CFAP157: variants seen among roughly 807,000 people sequenced by gnomAD.
The protein encoded by CFAP157 is cilia and flagella associated protein 157.
In CFAP157, 43 loss-of-function variants were observed where a neutral mutation model predicts 57.8. That is an observed-to-expected ratio of 0.74 (90% CI 0.58 to 0.96). The LOEUF is 0.96. Ranked by LOEUF, CFAP157 falls within the 40% of genes least tolerant of loss-of-function variation. The probability of loss-of-function intolerance (pLI) is 0.00; values close to 1 mark genes in which losing one functional copy is unlikely to be tolerated. For missense variants in CFAP157, 606 were observed against 655.3 expected (o/e 0.92, Z 0.82); for synonymous variants, 267 against 269.0 (o/e 0.99, Z 0.07).
Position 127,710,543 on chromosome 9 carries a change from G to A in CFAP157, c.434-58G>A, listed in dbSNP as rs1012621613. 5.8e-6 allele frequency: 9 copies of A among 1,546,860 alleles called. No homozygotes were observed. In the East Asian group the frequency reaches 7.3e-5, roughly 13 times the overall value. Reference sequence around the variant, plus strand: ...CCTAAGGGGCATCTTTAAGGTCCTCGCCAGGCCCTGTCCTCTGAGGCAGCC... The same window carrying A: ...CCTAAGGGGCATCTTTAAGGTCCTCACCAGGCCCTGTCCTCTGAGGCAGCC... On this transcript the variant is annotated intron_variant, in intron 2 of 8. Coordinates refer to ENST00000373295, the MANE Select transcript of CFAP157 (RefSeq NM_001012502.3).
chr9:127,711,248 C>T lies in CFAP157; in HGVS notation c.607C>T (p.Gln203Ter), dbSNP rs1264897241. Residue 203 changes from glutamine (Q) to a stop codon, truncating the protein, a stop_gained, in exon 4 of 9, where the codon CAG becomes TAG. Coordinates refer to ENST00000373295, the MANE Select transcript of CFAP157 (RefSeq NM_001012502.3). LOFTEE classifies it high-confidence loss of function. ...DKDRLRKEII[Q>*]RVNLVANEFH... Reference sequence around the variant, plus strand: ...GGCCAGACTGAGGAAAGAGATCATCCAGCGCGTGAACCTCGTGGCCAATGA... The same window carrying T: ...GGCCAGACTGAGGAAAGAGATCATCTAGCGCGTGAACCTCGTGGCCAATGA... The T allele has an allele frequency of 6.2e-7, 1 of 1,614,040 alleles. No individual in the cohort carries two copies. Among genetic ancestry groups the T allele is most frequent in the South Asian group, 1.1e-5 (1 of 91,078 alleles).
Position 127,709,741 on chromosome 9 carries a change from T to TATCA in CFAP157, c.433+49_433+52dup. 1 of 1,577,658 alleles carries TATCA rather than the reference T, an allele frequency of 6.3e-7. No homozygotes were observed. Among genetic ancestry groups the TATCA allele is most frequent in the Non-Finnish European group, 8.6e-7 (1 of 1,158,086 alleles). On this transcript the variant is annotated intron_variant, in intron 2 of 8. Coordinates refer to ENST00000373295, the MANE Select transcript of CFAP157 (RefSeq NM_001012502.3). This position sits in a 1 kb window ranked among gnomAD's most constrained non-coding sequence, Gnocchi z 4.7. ...AGCCTGCAGGCACACATCCCAGCTC[T>TATCA]ATCACTGACCCTGTTTCTCACCTGG...
At position 127,714,724 on chromosome 9, in the gene CFAP157, C is replaced by G; in HGVS notation, c.*819C>G. The G allele has an allele frequency of 6.3e-7, 1 of 1,585,514 alleles. No individual in the cohort carries two copies. The highest frequency in any genetic ancestry group is 1.1e-5 in the South Asian group (1 of 88,706). ...TCCGCTTAGCACAGGGAAACGGCAG[C>G]CCTGGTTACTGCCCATCTGCCCAGA... On this transcript the variant is annotated 3_prime_UTR_variant, in exon 9 of 9. Coordinates refer to ENST00000373295, the MANE Select transcript of CFAP157 (RefSeq NM_001012502.3).
chr9:127,711,181 C>T, intron 3 of CFAP157, 48 bp from the exon 4 acceptor site: 1 of 1,592,296 alleles, frequency 6.3e-7, no homozygotes, highest in South Asian at 1.1e-5. Context: ...GTGCCCAGGG[C>T]TTGTGCCCGC....
At position 127,715,681 on chromosome 9, in the gene CFAP157, C is replaced by T. The variant is rs750236320; in HGVS notation, c.*1776C>T. On this transcript the variant is annotated 3_prime_UTR_variant, in exon 9 of 9. Coordinates refer to ENST00000373295, the MANE Select transcript of CFAP157 (RefSeq NM_001012502.3). The surrounding 1 kb of genome is among the most constrained non-coding windows in gnomAD (Gnocchi z 5.8). ...CCGACACCGCCCCCTGACGTCATCA[C>T]CCCGCAGCAGCCAATCGTGTTGCCA... 4.4e-6 allele frequency: 7 copies of T among 1,594,846 alleles called. No homozygotes were observed. The highest frequency in any genetic ancestry group is 1.1e-5 in the South Asian group (1 of 89,546).
In CFAP157 at chr9:127,715,980, G is replaced by A. The variant is rs1291740889; in HGVS notation, c.*2075G>A. The A allele has an allele frequency of 4.0e-6, 4 of 997,966 alleles. No homozygotes were observed. The East Asian group carries it at 9.5e-5, about 24-fold the overall frequency. The allele number at this position is 997,966 out of a possible 1,614,324, so 61.8% of individuals were successfully genotyped here. On this transcript the variant is annotated 3_prime_UTR_variant, in exon 9 of 9. Transcript: ENST00000373295. The surrounding 1 kb of genome is among the most constrained non-coding windows in gnomAD (Gnocchi z 5.8). ...CCCGCTGTAGGCCTCAACCTCTCCA[G>A]CTAATAAAAGTTTTCTACCTCCCTC...
intron 3 of CFAP157, 74 bp downstream of exon 3, chr9:127,710,828 C>A: frequency 6.7e-7 from 1 of 1,495,634 alleles, no homozygotes; most frequent in Non-Finnish European, 9.1e-7. Context: ...AGTCTTCAGG[C>A]CTCAGCTTCT....
rs79213699 is a variant in CFAP157 at position 127,708,119 on chromosome 9, C to T, written c.161+927C>T. ...TATGCAAGACTGCTTCCTCAGCCCC[C>T]ACCCCTGAAATGCTCTGTGTGCAGT... is the stretch of plus-strand genomic sequence containing the variant. On this transcript the variant is annotated intron_variant, in intron 1 of 8. Transcript: ENST00000373295. Among the ~76,000 whole-genome samples, 157 of 152,320 alleles carry T rather than the reference C, an allele frequency of 1.0e-3. 1 individual carries two copies. In the East Asian group the frequency reaches 0.029, roughly 28 times the overall value.
intron 7 of CFAP157, 33 bp downstream of exon 7, chr9:127,712,908 A>G: frequency 6.3e-7 from 1 of 1,594,998 alleles, no homozygotes; most frequent in Non-Finnish European, 8.5e-7. Context: ...CCTCAGAGGC[A>G]GCCACAGAGA....
In CFAP157 at chr9:127,715,454, G is replaced by C; in HGVS notation, c.*1549G>C. On this transcript the variant is annotated 3_prime_UTR_variant, in exon 9 of 9. Transcript: ENST00000373295. The surrounding 1 kb of genome is among the most constrained non-coding windows in gnomAD (Gnocchi z 5.8). Reference sequence around the variant, plus strand: ...ACTCACCAGTTAAGAAAACAGAGCAGCAATTTGGGGGCACTCGGCTCCCGG... The same window carrying C: ...ACTCACCAGTTAAGAAAACAGAGCACCAATTTGGGGGCACTCGGCTCCCGG... The C allele has an allele frequency of 6.4e-7, 1 of 1,557,156 alleles. No individual in the cohort carries two copies. Among genetic ancestry groups the C allele is most frequent in the Non-Finnish European group, 8.8e-7 (1 of 1,137,884 alleles).
chr9:127,714,308 G>A lies in CFAP157; in HGVS notation c.*403G>A, dbSNP rs755913569. 6.2e-6 allele frequency: 10 copies of A among 1,613,966 alleles called. No homozygotes were observed. The Admixed American group carries it at 6.7e-5, about 11-fold the overall frequency. On this transcript the variant is annotated 3_prime_UTR_variant, in exon 9 of 9. Transcript: ENST00000373295. The stretch of plus-strand genomic sequence containing the variant: ...CTGTGGGAGAGCCAGAGAGGCCCAG[G>A]AAGCTTTGGCGAGGTGCTGGGGGAC...
At position 127,714,442 on chromosome 9, in the gene CFAP157, G is replaced by A. The variant is rs1842863239; in HGVS notation, c.*537G>A. The A allele has an allele frequency of 1.9e-6, 3 of 1,613,982 alleles. No individual in the cohort carries two copies. Among genetic ancestry groups the A allele is most frequent in the African/African-American group, 1.3e-5 (1 of 74,932 alleles). ...TGTGGCCCCTTCAAGGGATATGGGAGGGGCAGTTAGTGCCTCCCTGGGGCA... is the reference window on the plus strand; with the variant it reads ...TGTGGCCCCTTCAAGGGATATGGGAAGGGCAGTTAGTGCCTCCCTGGGGCA... On this transcript the variant is annotated 3_prime_UTR_variant, in exon 9 of 9. Coordinates refer to ENST00000373295, the MANE Select transcript of CFAP157 (RefSeq NM_001012502.3).
Position 127,711,350 on chromosome 9 carries a change from C to A in CFAP157, c.709C>A (p.Gln237Lys), listed in dbSNP as rs1254006368. The A allele has an allele frequency of 3.1e-6, 5 of 1,614,084 alleles. No individual in the cohort carries two copies. Among genetic ancestry groups the A allele is most frequent in the Non-Finnish European group, 4.2e-6 (5 of 1,180,048 alleles). ...CAAAGAGAACAACGGCATTACCCTG[C>A]AGATGGCCAGGGTCTCCCAGCAAGG... ...AIKENNGITL[Q>K]MARVSQQGMK... The change falls in exon 4 of 9, where the codon CAG (glutamine) becomes AAG (lysine). Residue 237 changes from glutamine (Q) to lysine (K), a missense_variant. Transcript: ENST00000373295.
chr9:127,715,062 C>T lies in CFAP157; in HGVS notation c.*1157C>T, dbSNP rs761795513. 7.9e-6 allele frequency: 12 copies of T among 1,527,644 alleles called. 1 individual carries two copies. The South Asian group carries it at 1.3e-4, about 17-fold the overall frequency. 94.6% of individuals were successfully genotyped at this position (1,527,644 alleles called of 1,614,324 possible). A position where few individuals can be genotyped will look rare whatever the true frequency, so the allele number is the denominator to read the frequency against. The stretch of plus-strand genomic sequence containing the variant: ...TGGGCATCCCCCAGCGGGGCCAGGG[C>T]GAGGTCGGCGGCACAGTGCCGGTCG... On this transcript the variant is annotated 3_prime_UTR_variant, in exon 9 of 9. Coordinates refer to ENST00000373295, the MANE Select transcript of CFAP157 (RefSeq NM_001012502.3). The surrounding 1 kb of genome is among the most constrained non-coding windows in gnomAD (Gnocchi z 5.8).
At position 127,713,116 on chromosome 9, in the gene CFAP157, C is replaced by T; in HGVS notation, c.1401C>T (p.Arg467=). The change falls in exon 8 of 9, where the codon CGC becomes CGT. Residue 467 remains arginine, a synonymous_variant. Coordinates refer to ENST00000373295, the MANE Select transcript of CFAP157 (RefSeq NM_001012502.3). ...CGGGGGATCTAGGCCTGGTACCTCG[C>T]CAGGTCCACATCCCACCCAACCCCC... ...YQPGDLGLVP[R]QVHIPPNPQD... 1 of 1,613,130 alleles carries T rather than the reference C, an allele frequency of 6.2e-7. No homozygotes were observed. Among genetic ancestry groups the T allele is most frequent in the Non-Finnish European group, 8.5e-7 (1 of 1,179,542 alleles).
chr9:127,707,020 T>C lies in CFAP157; in HGVS notation c.-12T>C, dbSNP rs774687086. 5.0e-6 allele frequency: 8 copies of C among 1,612,826 alleles called. No homozygotes were observed. The African/African-American group carries it at 5.3e-5, about 11-fold the overall frequency. On this transcript the variant is annotated 5_prime_UTR_variant, in exon 1 of 9. Coordinates refer to ENST00000373295, the MANE Select transcript of CFAP157 (RefSeq NM_001012502.3). ...CTCTTCCTGGGGCCTGGAGCCCTGG[T>C]TGCCATCAGCCATGGCTCCCAAAAA...
chr9:127,714,561 G>T lies in CFAP157; in HGVS notation c.*656G>T. ...AGCCCTACTCCACCCCAACTGGGAG[G>T]CCTGAAGCCCTATCCCAACCCTGAC... On this transcript the variant is annotated 3_prime_UTR_variant, in exon 9 of 9. Coordinates refer to ENST00000373295, the MANE Select transcript of CFAP157 (RefSeq NM_001012502.3). The T allele has an allele frequency of 6.3e-7, 1 of 1,599,420 alleles. No homozygotes were observed. The highest frequency in any genetic ancestry group is 8.6e-7 in the Non-Finnish European group (1 of 1,167,146).
chr9:127,715,884 T>C lies in CFAP157; in HGVS notation c.*1979T>C. ...GGACGCTCGGAGCTCTTGCTTGACC[T>C]TCGGTTGGGAGGCCTTGTTATGCCC... On this transcript the variant is annotated 3_prime_UTR_variant, in exon 9 of 9. Transcript: ENST00000373295. This position sits in a 1 kb window ranked among gnomAD's most constrained non-coding sequence, Gnocchi z 5.8. The C allele has an allele frequency of 1.2e-6, 1 of 835,116 alleles. No individual in the cohort carries two copies. The highest frequency in any genetic ancestry group is 1.7e-5 in the South Asian group (1 of 57,652). 51.7% of individuals were successfully genotyped at this position (835,116 alleles called of 1,614,324 possible).
Position 127,711,498 on chromosome 9 carries a change from T to C in CFAP157, c.855+2T>C. 1.9e-6 allele frequency: 3 copies of C among 1,612,372 alleles called. No individual in the cohort carries two copies. The highest frequency in any genetic ancestry group is 2.5e-6 in the Non-Finnish European group (3 of 1,179,478). ...AGGCACAAAAGAGGCCACCAGAAGG[T>C]GTGCCTGCAGGCCTCAGCACAGGGC... On this transcript the variant is annotated splice_donor_variant, in intron 4 of 8. Transcript: ENST00000373295. LOFTEE classifies it high-confidence loss of function.
Sources: gnomAD v4.1 joint callset for allele counts (sites outside exome capture counted in the v4.1 genomes callset) on GRCh38, gnomAD v4.1.1 for gene constraint, Gnocchi (gnomAD v3.1) non-coding constraint, MANE v1.5 for transcripts, NCBI Gene and HGNC (gene_info 2026-07-23, HGNC 2026-07-21) for gene names.